Variants in KCNH8 observed in about 807,000 individuals in gnomAD.
The protein encoded by KCNH8 is potassium voltage-gated channel subfamily H member 8.
A neutral mutation model predicts 103.6 loss-of-function variants in KCNH8; 70 were observed. The observed-to-expected ratio is 0.68, with a 90% CI of 0.56 to 0.82. KCNH8 has a LOEUF of 0.82. Among genes scored for constraint, KCNH8 ranks in the 40% least tolerant of loss-of-function variants. The pLI is 0.00. For synonymous variants in KCNH8, 498 were observed against 489.4 expected (o/e 1.02, Z -0.23); for missense variants, 1,217 against 1,329.9 (o/e 0.92, Z 1.32).
chr3:19,247,496 T>G (rs1457555970), intron 1 of KCNH8, among the ~76,000 whole-genome samples: 1 of 152,226 alleles, frequency 6.6e-6, no homozygotes, highest in African/African-American at 2.4e-5. Flanking sequence ...AAGGTAATTC[T>G]GAAAGCATAG....
chr3:19,526,397 T>A (rs559662099), intron 15 of KCNH8, among the ~76,000 whole-genome samples: 1 of 152,106 alleles, frequency 6.6e-6, no homozygotes, highest in Non-Finnish European at 1.5e-5. Flanking sequence ...TGGAGAAATA[T>A]AAAACGTATG....
chr3:19,462,087 T>C (rs2067642502), intron 11 of KCNH8, among the ~76,000 whole-genome samples: 1 of 152,220 alleles, frequency 6.6e-6, no homozygotes, highest in South Asian at 2.1e-4. Flanking sequence ...TTGTGAATAG[T>C]GCCACAATAA....
chr3:19,290,380 G>T (rs994781778), intron 3 of KCNH8, among the ~76,000 whole-genome samples: 1 of 152,050 alleles, frequency 6.6e-6, no homozygotes, highest in African/African-American at 2.4e-5. Flanking sequence ...TTGGCTGTGG[G>T]TTTGTCATAT....
At chr3:19,460,916 A>C (rs1291558213) in intron 11 of KCNH8, among the ~76,000 whole-genome samples, 2 of 152,148 alleles carry the variant, frequency 1.3e-5, no homozygotes, top group Non-Finnish European at 2.9e-5. Context: ...CCATGTAAAG[A>C]AGGACGTGTT....
intron 15 of KCNH8, among the ~76,000 whole-genome samples, chr3:19,526,795 G>A (rs1460924039): frequency 6.6e-6 from 1 of 151,820 alleles, no homozygotes; most frequent in South Asian, 2.1e-4. Context: ...TGATATTTAG[G>A]GGCAATTGAT....
chr3:19,419,676 A>T (rs1227514963), intron 7 of KCNH8, among the ~76,000 whole-genome samples: 1 of 152,004 alleles, frequency 6.6e-6, no homozygotes, highest in African/African-American at 2.4e-5. Flanking sequence ...CTCAGAGCCC[A>T]GAAACTTATT....
intron 1 of KCNH8, among the ~76,000 whole-genome samples, chr3:19,155,470 T>C (rs781701857): frequency 2.0e-5 from 3 of 152,142 alleles, no homozygotes; most frequent in Non-Finnish European, 4.4e-5. Context: ...CCCAGAGTGA[T>C]TTCCATTAAA....
chr3:19,216,273 G>A (rs1158942633), intron 1 of KCNH8, among the ~76,000 whole-genome samples: 1 of 152,200 alleles, frequency 6.6e-6, no homozygotes, highest in Non-Finnish European at 1.5e-5. Flanking sequence ...ACAACTTACA[G>A]TGCTAGCAGA....
At chr3:19,384,092 T>C (rs1037400115) in intron 5 of KCNH8, among the ~76,000 whole-genome samples, 4 of 152,192 alleles carry the variant, frequency 2.6e-5, no homozygotes, top group Non-Finnish European at 5.9e-5. Context: ...TAAACTTATA[T>C]AATAAAATAA....
At chr3:19,376,588 C>T (rs905185804) in intron 5 of KCNH8, among the ~76,000 whole-genome samples, 16 of 152,270 alleles carry the variant, frequency 1.1e-4, no homozygotes, top group East Asian at 3.9e-4. Context: ...AGCTGTAGAC[C>T]GGAGCTGTTC....
chr3:19,386,220 G>T (rs1279366208), intron 5 of KCNH8, among the ~76,000 whole-genome samples: 1 of 152,094 alleles, frequency 6.6e-6, no homozygotes, highest in Non-Finnish European at 1.5e-5. Context: ...TTTGGAAATA[G>T]AATATGTACA....
intron 7 of KCNH8, among the ~76,000 whole-genome samples, chr3:19,422,447 G>T (rs751849364): frequency 3.3e-5 from 5 of 152,022 alleles, no homozygotes; most frequent in African/African-American, 1.2e-4. Context: ...TGTGCCAGAT[G>T]TTTTACAAAA....
chr3:19,513,688 C>A (rs1165207631), intron 13 of KCNH8, among the ~76,000 whole-genome samples: 1 of 152,070 alleles, frequency 6.6e-6, no homozygotes, highest in Admixed American at 6.6e-5. Flanking sequence ...CTTGATCTTA[C>A]CAAAAGTTTC....
intron 15 of KCNH8, among the ~76,000 whole-genome samples, chr3:19,524,636 T>TGGATTTA (rs1203836866): frequency 3.3e-5 from 5 of 151,588 alleles, no homozygotes; most frequent in Non-Finnish European, 1.5e-5. Flanking sequence ...CTGTGAGGGG[T>TGGATTTA]GGATTTAAAA....
At chr3:19,391,490 C>T (rs1378921302) in intron 6 of KCNH8, among the ~76,000 whole-genome samples, 2 of 151,998 alleles carry the variant, frequency 1.3e-5, no homozygotes, top group East Asian at 3.9e-4. Context: ...AGTCAATTGA[C>T]AGTGCTTTAT....
chr3:19,496,970 T>G (rs1304324728), intron 11 of KCNH8, among the ~76,000 whole-genome samples: 3 of 152,178 alleles, frequency 2.0e-5, no homozygotes, highest in Non-Finnish European at 4.4e-5. Context: ...ATTTTCTAGT[T>G]TGTGTGCATA....
At chr3:19,171,884 C>T (rs1466577727) in intron 1 of KCNH8, among the ~76,000 whole-genome samples, 1 of 152,260 alleles carries the variant, frequency 6.6e-6, no homozygotes, top group East Asian at 1.9e-4. Context: ...TTTCTGCTTA[C>T]TTAATTGTCA....
chr3:19,236,978 T>C (rs1433305907), intron 1 of KCNH8, among the ~76,000 whole-genome samples: 1 of 152,248 alleles, frequency 6.6e-6, no homozygotes, highest in African/African-American at 2.4e-5. Context: ...AGTTTATTTA[T>C]ATGTTAATGT....
At chr3:19,523,872 T>C (rs2125249696) in intron 15 of KCNH8, among the ~76,000 whole-genome samples, 1 of 151,922 alleles carries the variant, frequency 6.6e-6, no homozygotes, top group East Asian at 1.9e-4. Flanking sequence ...TTATATATTA[T>C]CAAAGTAAAA....
Sources: gnomAD v4.1 joint callset for allele counts (sites outside exome capture counted in the v4.1 genomes callset) on GRCh38, gnomAD v4.1.1 for gene constraint, MANE v1.5 for transcripts, NCBI Gene and HGNC (gene_info 2026-07-23, HGNC 2026-07-21) for gene names.